Variants in SRSF1 observed in about 807,000 individuals in gnomAD.
SRSF1 encodes the protein serine and arginine rich splicing factor 1.
SRSF1 carries 1 observed loss-of-function variant against 25.9 expected under a neutral mutation model. The ratio of observed to expected loss-of-function variants is 0.04; its 90% confidence interval spans 0.01 to 0.18. SRSF1 has a LOEUF of 0.18. SRSF1 is among the 10% of genes least tolerant of loss of function. The probability of loss-of-function intolerance (pLI) is 1.00; values close to 1 mark genes in which losing one functional copy is unlikely to be tolerated. For missense variants in SRSF1, 65 were observed against 350.5 expected, an observed-to-expected ratio of 0.19 and a Z score of 6.50; for synonymous variants, 132 against 126.2, an observed-to-expected ratio of 1.05 and a Z score of -0.31.
rs2075436569 is a variant in SRSF1, at chr17:58,007,193, C to G, written c.-56G>C. On this transcript the variant is annotated 5_prime_UTR_variant, in exon 1 of 4. Coordinates refer to ENST00000258962, the MANE Select transcript of SRSF1 (RefSeq NM_006924.5). ...AGGCCTTCCCACCAAGCCTAGCGCA[C>G]GGCAGAGCGAGCCCGCAGCGGCACC... The G allele has an allele frequency of 1.9e-6, 3 of 1,594,400 alleles. No homozygotes were observed. Among genetic ancestry groups the G allele is most frequent in the Non-Finnish European group, 2.6e-6 (3 of 1,168,454 alleles).
rs1028914931 is a variant in SRSF1 at position 58,006,682 on chromosome 17, G to A, written c.195-155C>T. 1.4e-5 allele frequency: 14 copies of A among 974,256 alleles called. No homozygotes were observed. The Admixed American group carries it at 2.6e-4, about 18-fold the overall frequency. The allele number at this position is 974,256 out of a possible 1,614,324, so 60.4% of individuals were successfully genotyped here. A position where few individuals can be genotyped will look rare whatever the true frequency, so the allele number is the denominator to read the frequency against. Reference sequence around the variant, plus strand: ...TGGCCCCTCCCCCACCCAGAAACACGCCAGGCTCCCAACCACTACACCAGC... The same window carrying A: ...TGGCCCCTCCCCCACCCAGAAACACACCAGGCTCCCAACCACTACACCAGC... On this transcript the variant is annotated intron_variant, in intron 1 of 3. Transcript: ENST00000258962.
Position 58,006,261 on chromosome 17 carries a change from A to C in SRSF1, c.379+82T>G, listed in dbSNP as rs2075426480. On this transcript the variant is annotated intron_variant, in intron 2 of 3. Transcript: ENST00000258962. ...TTAAGACCTAGCATGAAAAATTTGC[A>C]ATTATTAAACCTGTCACGCAAGAGA... The C allele has an allele frequency of 7.0e-5, 104 of 1,488,392 alleles. 1 individual carries two copies. The South Asian group carries it at 1.4e-3, about 20-fold the overall frequency. The allele number at this position is 1,488,392 out of a possible 1,614,324, so 92.2% of individuals were successfully genotyped here. A position where few individuals can be genotyped will look rare whatever the true frequency, so the allele number is the denominator to read the frequency against.
Position 58,006,409 on chromosome 17 carries a change from C to T in SRSF1, c.313G>A (p.Gly105Ser). The T allele has an allele frequency of 1.9e-6, 3 of 1,613,166 alleles. No individual in the cohort carries two copies. Among genetic ancestry groups the T allele is most frequent in the African/African-American group, 1.3e-5 (1 of 75,056 alleles). Residue 105 changes from glycine to serine, a missense_variant, in exon 2 of 4, where the codon GGC becomes AGC. This residue lies in a region of SRSF1 where 63 missense variants were observed against 284.8 expected (regional missense o/e 0.22). Transcript: ENST00000258962. ...TGRGGGGGGG[G>S]GAPRGRYGPP... Reference sequence around the variant, plus strand: ...CCATAGCGACCTCGGGGAGCTCCGCCACCTCCACCCCCGCCGCCGCCTCGG... The same window carrying T: ...CCATAGCGACCTCGGGGAGCTCCGCTACCTCCACCCCCGCCGCCGCCTCGG...
chr17:58,006,841 CT>C (rs1396773732), intron 1 of SRSF1, 102 bp downstream of exon 1: 2 of 1,405,258 alleles, frequency 1.4e-6, no homozygotes, highest in Admixed American at 1.9e-5. Context: ...GCCCCAACCT[CT>C]CTAAGAGCCC....
At chr17:57,992,554 C>T in the SRSF1 span, 17 of 152,166 alleles carry the variant, frequency 1.1e-4, no homozygotes, top group Non-Finnish European at 2.5e-4. Context: ...TGAATGTCTT[C>T]TCCTCGGCTA....
downstream of SRSF1, among the ~76,000 whole-genome samples, chr17:57,998,523 T>C (rs2075373259): frequency 6.6e-6 from 1 of 152,240 alleles, no homozygotes; most frequent in Non-Finnish European, 1.5e-5. Context: ...AGGAGAATTC[T>C]GAATTTTCAT....
At chr17:57,989,416 T>C in the SRSF1 span, 4 of 397,676 alleles carry the variant, frequency 1.0e-5, no homozygotes, top group African/African-American at 8.2e-5. Context: ...GACGCATTAT[T>C]TTAAGACTTT....
Position 58,005,771 on chromosome 17 carries a change from G to C in SRSF1, c.552+30C>G, listed in dbSNP as rs948713721. 1 of 1,614,104 alleles carries C rather than the reference G, an allele frequency of 6.2e-7. No homozygotes were observed. The highest frequency in any genetic ancestry group is 8.5e-7 in the Non-Finnish European group (1 of 1,180,026). On this transcript the variant is annotated intron_variant, in intron 3 of 3. Coordinates refer to ENST00000258962, the MANE Select transcript of SRSF1 (RefSeq NM_006924.5). This position sits in a 1 kb window ranked among gnomAD's most constrained non-coding sequence, Gnocchi z 5.2. ...GTTAAGACCACTGTATCCAATTCTG[G>C]TCAAAGAAAAGAATACGTGTATAAC...
chr17:58,006,296 G>T, intron 2 of SRSF1, 47 bp downstream of exon 2: 1 of 1,542,576 alleles, frequency 6.5e-7, no homozygotes, highest in South Asian at 1.2e-5. Context: ...AAAAATTTTA[G>T]GTAGTTTTCG....
Position 58,005,273 on chromosome 17 carries a change from A to T in SRSF1, c.*133T>A. 1 of 867,870 alleles carries T rather than the reference A, an allele frequency of 1.2e-6. No homozygotes were observed. The highest frequency in any genetic ancestry group is 1.8e-6 in the Non-Finnish European group (1 of 558,170). The allele number at this position is 867,870 out of a possible 1,614,324, so 53.8% of individuals were successfully genotyped here. ...GAATGTAGATGTTAGGAGCAAGGGG[A>T]TATTACAAGAATGCAATTCAACACT... is the stretch of plus-strand genomic sequence containing the variant. On this transcript the variant is annotated 3_prime_UTR_variant, in exon 4 of 4. Transcript: ENST00000258962. The surrounding 1 kb of genome is among the most constrained non-coding windows in gnomAD (Gnocchi z 5.2).
chr17:57,997,606 T>C (rs1032179282), downstream of SRSF1, among the ~76,000 whole-genome samples: 2 of 152,204 alleles, frequency 1.3e-5, no homozygotes, highest in Non-Finnish European at 2.9e-5. Flanking sequence ...GGGAGTGACA[T>C]GTTTTAAGGA....
downstream of SRSF1, among the ~76,000 whole-genome samples, chr17:58,000,009 C>T (rs934100650): frequency 2.0e-5 from 3 of 152,098 alleles, no homozygotes; most frequent in African/African-American, 7.2e-5. Flanking sequence ...TCATGAATGA[C>T]TTTTCACCCC....
the SRSF1 span, chr17:57,989,538 G>A: frequency 2.5e-6 from 1 of 397,572 alleles, no homozygotes; most frequent in African/African-American, 2.1e-5. Flanking sequence ...AATATGGCTG[G>A]AGAATTCTAC....
chr17:57,992,500 AAAAAT>A, the SRSF1 span: 3 of 152,212 alleles, frequency 2.0e-5, no homozygotes, highest in Admixed American at 2.0e-4. Context: ...AAAAAAATAA[AAAAAT>A]AAACTAAATT....
At chr17:57,998,570 G>A (rs996257742), downstream of SRSF1, among the ~76,000 whole-genome samples, 11 of 152,178 alleles carry the variant, frequency 7.2e-5, no homozygotes, top group African/African-American at 2.6e-4. Context: ...ATCTTCAAAA[G>A]TTATTTAAAA....
downstream of SRSF1, among the ~76,000 whole-genome samples, chr17:57,997,556 T>C (rs1416217538): frequency 6.6e-6 from 1 of 152,102 alleles, no homozygotes; most frequent in Admixed American, 6.5e-5. Flanking sequence ...ACAGGATAAA[T>C]TGGAAAGGTA....
At position 58,006,948 on chromosome 17, in the gene SRSF1, G is replaced by A. The variant is rs2075434429; in HGVS notation, c.190C>T (p.Pro64Ser). 1.9e-6 allele frequency: 3 copies of A among 1,614,178 alleles called. No individual in the cohort carries two copies. Among genetic ancestry groups the A allele is most frequent in the South Asian group, 1.1e-5 (1 of 91,092 alleles). ...PPFAFVEFED[P>S]RDAEDAVYGR... is the part of the protein sequence containing the mutation. ...GCAAGCCCCATGCCGCCTCACCGCG[G>A]GTCCTCGAACTCAACGAAGGCGAAG... is the stretch of plus-strand genomic sequence containing the variant. The change falls in exon 1 of 4, where the codon CCG (proline) becomes TCG (serine). Residue 64 changes from proline (P) to serine (S), a missense_variant. By Grantham distance (74) the Pro-to-Ser change is moderately conservative. Coordinates refer to ENST00000258962, the MANE Select transcript of SRSF1 (RefSeq NM_006924.5).
chr17:57,989,215 C>G, the SRSF1 span: 1 of 398,578 alleles, frequency 2.5e-6, no homozygotes. Context: ...AGATGAGGAG[C>G]CTGTATGATG....
At chr17:57,999,930 C>T (rs975952132), downstream of SRSF1, among the ~76,000 whole-genome samples, 1 of 152,042 alleles carries the variant, frequency 6.6e-6, no homozygotes, top group Non-Finnish European at 1.5e-5. Flanking sequence ...CTTTTTAACC[C>T]GATGCTTGAG....
Sources: allele counts gnomAD v4.1 joint callset (sites outside exome capture counted in the v4.1 genomes callset), GRCh38; gene constraint gnomAD v4.1.1; regional missense constraint gnomAD v4.1.1; non-coding constraint Gnocchi (gnomAD v3.1); transcripts MANE v1.5; gene names NCBI Gene and HGNC (gene_info 2026-07-23, HGNC 2026-07-21).